GNA14: variants seen among roughly 807,000 people sequenced by gnomAD.
GNA14 encodes the protein G protein subunit alpha 14.
A neutral mutation model predicts 42.0 loss-of-function variants in GNA14; 50 were observed. That is an observed-to-expected ratio of 1.19 (90% CI 0.95 to 1.51). The LOEUF (loss-of-function observed/expected upper bound fraction) is 1.51. Among genes scored for constraint, GNA14 ranks in the 40% most tolerant of loss-of-function variants. GNA14 has a pLI of 0.00. For synonymous variants in GNA14, 173 were observed against 163.1 expected (o/e 1.06, Z -0.46); for missense variants, 473 against 446.2 (o/e 1.06, Z -0.54).
chr9:77,486,774 A>G (rs1291140555), intron 2 of GNA14, among the ~76,000 whole-genome samples: 4 of 152,180 alleles, frequency 2.6e-5, no homozygotes, highest in Non-Finnish European at 4.4e-5. Context: ...CAGAACATAT[A>G]TACACAATGT....
At chr9:77,612,118 T>A (rs1823745126) in intron 1 of GNA14, among the ~76,000 whole-genome samples, 1 of 152,180 alleles carries the variant, frequency 6.6e-6, no homozygotes, top group Non-Finnish European at 1.5e-5. Context: ...TATTTGGTTT[T>A]ACAAATAAGG....
intron 2 of GNA14, among the ~76,000 whole-genome samples, chr9:77,467,587 G>C (rs796764230): frequency 5.3e-5 from 8 of 150,164 alleles, no homozygotes; most frequent in African/African-American, 2.0e-4. Flanking sequence ...ATGAACTTAG[G>C]CAAGAAATGC....
At chr9:77,618,233 T>C (rs1289740195) in intron 1 of GNA14, among the ~76,000 whole-genome samples, 1 of 152,124 alleles carries the variant, frequency 6.6e-6, no homozygotes, top group African/African-American at 2.4e-5. Flanking sequence ...CTGCTTTGCC[T>C]TTGTGATTCT....
intron 1 of GNA14, among the ~76,000 whole-genome samples, chr9:77,646,445 C>T (rs1035226874): frequency 4.6e-5 from 7 of 152,012 alleles, no homozygotes; most frequent in Non-Finnish European, 1.0e-4. Context: ...CACCCCCCCC[C>T]AACCCCCAGA....
At chr9:77,474,975 T>C (rs1370838921) in intron 2 of GNA14, among the ~76,000 whole-genome samples, 1 of 151,992 alleles carries the variant, frequency 6.6e-6, no homozygotes, top group Non-Finnish European at 1.5e-5. Context: ...ACCGGATTAG[T>C]TGTCACCTAG....
At chr9:77,469,760 GAC>G (rs1564023866) in intron 2 of GNA14, among the ~76,000 whole-genome samples, 1 of 152,182 alleles carries the variant, frequency 6.6e-6, no homozygotes, top group Non-Finnish European at 1.5e-5. Context: ...GCTATAAAGA[GAC>G]AGTCTTGGCA....
At chr9:77,526,029 G>T (rs552219255) in intron 2 of GNA14, among the ~76,000 whole-genome samples, 1 of 150,524 alleles carries the variant, frequency 6.6e-6, no homozygotes, top group Non-Finnish European at 1.5e-5. Flanking sequence ...AGCCTCCCAA[G>T]TAGCTGGGAT....
intron 1 of GNA14, among the ~76,000 whole-genome samples, chr9:77,592,584 C>T (rs1823407696): frequency 6.6e-6 from 1 of 152,174 alleles, no homozygotes; most frequent in African/African-American, 2.4e-5. Context: ...GTCACCACCA[C>T]TCCCTATAGC....
chr9:77,516,739 T>C (rs1275451770), intron 2 of GNA14, among the ~76,000 whole-genome samples: 1 of 121,516 alleles, frequency 8.2e-6, no homozygotes, highest in African/African-American at 3.2e-5. Flanking sequence ...TGGGGGGCGG[T>C]AGGGGGCAGG....
At chr9:77,474,547 T>A (rs551520303) in intron 2 of GNA14, among the ~76,000 whole-genome samples, 202 of 152,256 alleles carry the variant, frequency 1.3e-3, no homozygotes, top group African/African-American at 4.7e-3. Context: ...CATACATGGG[T>A]GAGACTATAA....
intron 1 of GNA14, among the ~76,000 whole-genome samples, chr9:77,540,504 G>A (rs1027451338): frequency 1.3e-5 from 2 of 152,116 alleles, no homozygotes; most frequent in Non-Finnish European, 2.9e-5. Context: ...CTAAAGTCCA[G>A]ATTGAATCCA....
intron 1 of GNA14, among the ~76,000 whole-genome samples, chr9:77,547,365 G>A (rs1407856610): frequency 1.4e-4 from 22 of 152,116 alleles, no homozygotes; most frequent in Non-Finnish European, 3.2e-4. Context: ...ATCTTCAAAG[G>A]CTGTAATTAA....
chr9:77,554,092 C>T (rs922765857), intron 1 of GNA14, among the ~76,000 whole-genome samples: 1 of 152,156 alleles, frequency 6.6e-6, no homozygotes, highest in Non-Finnish European at 1.5e-5. Context: ...AAGTCTGCCA[C>T]TTACCTGCTG....
rs749793984 is a variant in GNA14, at chr9:77,545,476, C to G, written c.125-16223G>C. 5.9e-5 allele frequency among the ~76,000 whole-genome samples: 9 copies of G among 151,952 alleles called. No homozygotes were observed. In the East Asian group the frequency reaches 1.2e-3, roughly 20 times the overall value. On this transcript the variant is annotated intron_variant, in intron 1 of 6. Transcript: ENST00000341700. Reference sequence around the variant, plus strand: ...AGGTATACATTATTTTTTAGCCCACCACTGTGAAAGAAAATATGCAAATTT... The same window carrying G: ...AGGTATACATTATTTTTTAGCCCACGACTGTGAAAGAAAATATGCAAATTT...
chr9:77,523,154 T>C (rs1837384053), intron 2 of GNA14, among the ~76,000 whole-genome samples: 2 of 152,158 alleles, frequency 1.3e-5, no homozygotes, highest in African/African-American at 4.8e-5. Flanking sequence ...CCCCTTACCG[T>C]TTAATTATTG....
intron 2 of GNA14, among the ~76,000 whole-genome samples, chr9:77,504,387 A>G (rs567984842): frequency 6.6e-6 from 1 of 152,148 alleles, no homozygotes; most frequent in South Asian, 2.1e-4. Flanking sequence ...GGGCAAGCTC[A>G]TAACACCACC....
chr9:77,572,139 G>A, intron 1 of GNA14, among the ~76,000 whole-genome samples: 1 of 152,150 alleles, frequency 6.6e-6, no homozygotes. Flanking sequence ...AAGTAATCTT[G>A]CAAATTACAA....
Position 77,576,895 on chromosome 9 carries a change from C to A in GNA14, c.125-47642G>T, listed in dbSNP as rs148107297. Among the ~76,000 whole-genome samples, 112 of 152,152 alleles carry A rather than the reference C, an allele frequency of 7.4e-4. 1 individual carries two copies. The highest frequency in any genetic ancestry group is 2.6e-3 in the African/African-American group (109 of 41,522). ...CATACGACATTATGAAAATATGAGC[C>A]TCATATGCTAACCTGAAAATGTCAA... On this transcript the variant is annotated intron_variant, in intron 1 of 6. Coordinates refer to ENST00000341700, the MANE Select transcript of GNA14 (RefSeq NM_004297.4).
At chr9:77,515,835 G>C (rs529054178) in intron 2 of GNA14, among the ~76,000 whole-genome samples, 37 of 151,690 alleles carry the variant, frequency 2.4e-4, no homozygotes, top group Non-Finnish European at 4.0e-4. Flanking sequence ...CTGGGGGTGT[G>C]CACCTGTAGT....
Sources: allele counts gnomAD v4.1 joint callset (sites outside exome capture counted in the v4.1 genomes callset), GRCh38; gene constraint gnomAD v4.1.1; transcripts MANE v1.5; gene names NCBI Gene and HGNC (gene_info 2026-07-23, HGNC 2026-07-21).